MAST2: variants seen among roughly 807,000 people sequenced by gnomAD.
The protein encoded by MAST2 is microtubule-associated serine/threonine-protein kinase 2.
Under a neutral mutation model 147.4 loss-of-function variants are expected in MAST2, and 70 were observed. That is an observed-to-expected ratio of 0.47 (90% CI 0.39 to 0.58). MAST2 has a LOEUF of 0.58. Among genes scored for constraint, MAST2 ranks in the 20% least tolerant of loss-of-function variants. MAST2 has a pLI of 0.00. For missense variants in MAST2, 2,080 were observed against 2,302.3 expected, an observed-to-expected ratio of 0.90 and a Z score of 1.98; for synonymous variants, 869 against 896.8, an observed-to-expected ratio of 0.97 and a Z score of 0.55.
chr1:46,034,771 G>A lies in MAST2; in HGVS notation c.4102G>A (p.Gly1368Ser). ...SPQRSPSPLS[G>S]HVAQAFPTKL... is the part of the protein sequence containing the mutation. ...TCAGCGGTCCCCATCGCCCCTGTCT[G>A]GCCATGTAGCCCAGGCCTTTCCCAC... Residue 1368 changes from glycine to serine, a missense_variant, in exon 29 of 29, where the codon GGC (glycine) becomes AGC (serine). Transcript: ENST00000361297. 1 of 1,613,672 alleles carries A rather than the reference G, an allele frequency of 6.2e-7. No individual in the cohort carries two copies. Among genetic ancestry groups the A allele is most frequent in the South Asian group, 1.1e-5 (1 of 91,064 alleles).
At chr1:45,988,037 T>C (rs375101895) in intron 5 of MAST2, among the ~76,000 whole-genome samples, 1 of 152,058 alleles carries the variant, frequency 6.6e-6, no homozygotes, top group East Asian at 1.9e-4. Context: ...TAAAAAGACA[T>C]AGTCTTGCTC....
chr1:45,978,786 A>G (rs1352735018), intron 5 of MAST2, among the ~76,000 whole-genome samples: 1 of 152,240 alleles, frequency 6.6e-6, no homozygotes, highest in African/African-American at 2.4e-5. Context: ...ACACAATTTC[A>G]TAGAGGCAGA....
chr1:45,946,834 G>A, intron 4 of MAST2, among the ~76,000 whole-genome samples: 1 of 152,122 alleles, frequency 6.6e-6, no homozygotes, highest in East Asian at 1.9e-4. Context: ...TTTGGTGGGA[G>A]CATACTGTTT....
At chr1:45,861,874 GGTACCAGTT>G in intron 3 of MAST2, among the ~76,000 whole-genome samples, 1 of 152,196 alleles carries the variant, frequency 6.6e-6, no homozygotes, top group African/African-American at 2.4e-5. Flanking sequence ...TCCTACAAAG[GGTACCAGTT>G]GACTTCAAGT....
intron 3 of MAST2, among the ~76,000 whole-genome samples, chr1:45,835,511 T>G (rs1007158501): frequency 1.3e-5 from 2 of 152,192 alleles, no homozygotes; most frequent in East Asian, 3.8e-4. Context: ...ACAAAAGATG[T>G]GATATTCTGT....
intron 5 of MAST2, among the ~76,000 whole-genome samples, chr1:45,960,784 G>A (rs1170652967): frequency 1.3e-5 from 2 of 152,224 alleles, no homozygotes; most frequent in Non-Finnish European, 2.9e-5. Flanking sequence ...AGAGCTTGCT[G>A]CCTGGGCATA....
At chr1:46,024,122 GGATCACA>G in intron 15 of MAST2, 142 bp downstream of exon 15, 1 of 771,904 alleles carries the variant, frequency 1.3e-6, no homozygotes, top group Admixed American at 2.2e-5. Flanking sequence ...TTCTGCCTCA[GGATCACA>G]GAGACCATTT....
At chr1:46,000,638 T>C (rs1645237352) in intron 6 of MAST2, among the ~76,000 whole-genome samples, 1 of 152,156 alleles carries the variant, frequency 6.6e-6, no homozygotes, top group Non-Finnish European at 1.5e-5. Flanking sequence ...TGTCCTCTTA[T>C]ACAACATAGT....
intron 4 of MAST2, among the ~76,000 whole-genome samples, chr1:45,957,627 A>AT (rs537108882): frequency 4.2e-4 from 64 of 151,824 alleles, no homozygotes; most frequent in Non-Finnish European, 7.8e-4. Context: ...ATGCCCAGCT[A>AT]TTTTTTTTTA....
chr1:45,962,353 T>C (rs1660551132), intron 5 of MAST2, among the ~76,000 whole-genome samples: 1 of 151,958 alleles, frequency 6.6e-6, no homozygotes, highest in Non-Finnish European at 1.5e-5. Context: ...CACACTGACT[T>C]CCACAATGGT....
intron 16 of MAST2, among the ~76,000 whole-genome samples, chr1:46,027,052 G>C (rs1171751254): frequency 6.6e-6 from 1 of 152,148 alleles, no homozygotes; most frequent in Non-Finnish European, 1.5e-5. Context: ...GGAACCAGTT[G>C]GGAGGCATGA....
chr1:45,932,351 A>G (rs552700450), intron 4 of MAST2, among the ~76,000 whole-genome samples: 46 of 152,186 alleles, frequency 3.0e-4, no homozygotes, highest in Non-Finnish European at 5.9e-4. Context: ...ACCTCTCCCT[A>G]TTCATTTTTC....
rs192493226 is a variant in MAST2, at chr1:45,921,682, A to G, written c.501-37704A>G. On this transcript the variant is annotated intron_variant, in intron 4 of 28. Coordinates refer to ENST00000361297, the MANE Select transcript of MAST2 (RefSeq NM_015112.3). ...GGCACAAGGGAACGCGGTGGTGCCCAGAAACTTGGAGACTTTAGGAGCCAC... is the reference window on the plus strand; with the variant it reads ...GGCACAAGGGAACGCGGTGGTGCCCGGAAACTTGGAGACTTTAGGAGCCAC... 3.9e-3 allele frequency among the ~76,000 whole-genome samples: 594 copies of G among 152,272 alleles called. 1 individual carries two copies. The highest frequency in any genetic ancestry group is 6.0e-3 in the Non-Finnish European group (410 of 68,020).
intron 3 of MAST2, among the ~76,000 whole-genome samples, chr1:45,877,878 T>C (rs893071170): frequency 6.6e-6 from 1 of 152,170 alleles, no homozygotes; most frequent in Non-Finnish European, 1.5e-5. Flanking sequence ...TAAAAAGATA[T>C]TAGCTAATAG....
rs906740155 is a variant in MAST2, at chr1:45,847,624, G to C, written c.468+18043G>C. On this transcript the variant is annotated intron_variant, in intron 3 of 28. Coordinates refer to ENST00000361297, the MANE Select transcript of MAST2 (RefSeq NM_015112.3). Reference sequence around the variant, plus strand: ...CTTTAGGTATAGTGACGTCCTCGCGGCCACAGAGGAGCTCTGCACTCTAGA... The same window carrying C: ...CTTTAGGTATAGTGACGTCCTCGCGCCCACAGAGGAGCTCTGCACTCTAGA... 5 of 628,054 alleles carry C rather than the reference G, an allele frequency of 8.0e-6. No homozygotes were observed. The African/African-American group carries it at 9.4e-5, about 12-fold the overall frequency. The allele number at this position is 628,054 out of a possible 1,614,324, so 38.9% of individuals were successfully genotyped here. A position where few individuals can be genotyped will look rare whatever the true frequency, so the allele number is the denominator to read the frequency against.
rs568373993 is a variant in MAST2, at chr1:45,980,356, G to A, written c.593-17368G>A. 9.9e-5 allele frequency among the ~76,000 whole-genome samples: 15 copies of A among 151,454 alleles called. No homozygotes were observed. In the South Asian group the frequency reaches 1.9e-3, roughly 19 times the overall value. ...CAAGAGTTGAAAAAGTAGCTATTGC[G>A]TTCTGTGCTCACTACATGATTGATG... On this transcript the variant is annotated intron_variant, in intron 5 of 28. Coordinates refer to ENST00000361297, the MANE Select transcript of MAST2 (RefSeq NM_015112.3).
At chr1:46,030,553 C>T in intron 21 of MAST2, 54 bp from the exon 22 acceptor site, 1 of 1,546,716 alleles carries the variant, frequency 6.5e-7, no homozygotes, top group South Asian at 1.2e-5. Context: ...CTTTATGCCA[C>T]TTGGGAGGTA....
intron 5 of MAST2, among the ~76,000 whole-genome samples, chr1:45,965,886 C>T (rs977231424): frequency 1.3e-5 from 2 of 152,126 alleles, no homozygotes; most frequent in Admixed American, 6.6e-5. Flanking sequence ...TACACTGACA[C>T]ATCACCCAGG....
rs80027972 is a variant in MAST2, at chr1:45,824,802, G to C, written c.325+222G>C. 1.5e-4 allele frequency among the ~76,000 whole-genome samples: 23 copies of C among 152,172 alleles called. No individual in the cohort carries two copies. In the East Asian group the frequency reaches 4.4e-3, roughly 29 times the overall value. ...TATTTCTTGGTTGATCACCACTAGT[G>C]GTCACTCTCTCTTACTCTGATTTTT... On this transcript the variant is annotated intron_variant, in intron 2 of 28. Transcript: ENST00000361297.
Sources: gnomAD v4.1 joint callset for allele counts (sites outside exome capture counted in the v4.1 genomes callset) on GRCh38, gnomAD v4.1.1 for gene constraint, MANE v1.5 for transcripts, NCBI Gene and HGNC (gene_info 2026-07-23, HGNC 2026-07-21) for gene names.